The following DIP2C variants were observed in gnomAD, a reference collection of about 807,000 sequenced individuals.
The protein encoded by DIP2C is DIP2 acetate--CoA ligase C (putative), also known as disco-interacting protein 2 homolog C.
In DIP2C, 33 loss-of-function variants were observed where a neutral mutation model predicts 192.4. The ratio of observed to expected loss-of-function variants is 0.17; its 90% CI spans 0.13 to 0.23. The LOEUF is 0.23. DIP2C is among the 10% of genes least tolerant of loss of function. The probability of loss-of-function intolerance (pLI) is 1.00; values close to 1 mark genes in which losing one functional copy is unlikely to be tolerated. For missense variants in DIP2C, 1,537 were observed against 2,110.1 expected (o/e 0.73, Z 5.32); for synonymous variants, 979 against 864.1 (o/e 1.13, Z -2.33).
chr10:401,036 T>C (rs1265961329), intron 9 of DIP2C, among the ~76,000 whole-genome samples: 1 of 127,228 alleles, frequency 7.9e-6, no homozygotes, highest in African/African-American at 3.1e-5. Context: ...TGTGGTAGCA[T>C]TAGCATTACT....
At chr10:506,071 G>A (rs1050320116) in intron 1 of DIP2C, among the ~76,000 whole-genome samples, 1 of 152,212 alleles carries the variant, frequency 6.6e-6, no homozygotes, top group African/African-American at 2.4e-5. Flanking sequence ...GTGCTGGTAT[G>A]TGCTGCTAGG....
intron 1 of DIP2C, among the ~76,000 whole-genome samples, chr10:525,113 TAA>T (rs1369348376): frequency 1.3e-5 from 2 of 152,202 alleles, no homozygotes; most frequent in African/African-American, 2.4e-5. Context: ...CAACCAAATC[TAA>T]AATACAGAAA....
intron 1 of DIP2C, among the ~76,000 whole-genome samples, chr10:620,480 G>A (rs547402162): frequency 1.8e-4 from 28 of 152,278 alleles, no homozygotes; most frequent in Admixed American, 7.2e-4. Context: ...CAGATACGGA[G>A]GGAGAAGCCC....
chr10:591,061 A>G (rs1210809957), intron 1 of DIP2C, among the ~76,000 whole-genome samples: 1 of 152,012 alleles, frequency 6.6e-6, no homozygotes, highest in African/African-American at 2.4e-5. Flanking sequence ...TCCTGTCACT[A>G]AAAAATGAAA....
intron 1 of DIP2C, among the ~76,000 whole-genome samples, chr10:526,662 C>T (rs926199772): frequency 6.6e-6 from 1 of 152,180 alleles, no homozygotes; most frequent in African/African-American, 2.4e-5. Flanking sequence ...CACATATGTT[C>T]TGGGTCTCCT....
chr10:387,596 T>C (rs1025974312), intron 14 of DIP2C, 149 bp downstream of exon 14: 2 of 253,080 alleles, frequency 7.9e-6, no homozygotes, highest in Admixed American at 4.4e-5. Flanking sequence ...ACAGGCAGGG[T>C]GGGAGGGAGA....
At chr10:397,999 C>T (rs1446883318) in intron 10 of DIP2C, among the ~76,000 whole-genome samples, 2 of 152,202 alleles carry the variant, frequency 1.3e-5, no homozygotes, top group Non-Finnish European at 2.9e-5. Flanking sequence ...AAAGCTGACT[C>T]TCTGGAGCAA....
chr10:504,661 C>T (rs561625373), intron 1 of DIP2C, among the ~76,000 whole-genome samples: 26 of 152,362 alleles, frequency 1.7e-4, no homozygotes, highest in South Asian at 6.2e-4. Flanking sequence ...CAAGATGAGA[C>T]GCTTCCCGTG....
intron 17 of DIP2C, among the ~76,000 whole-genome samples, chr10:375,406 A>G (rs139614450): frequency 0.011 from 1,610 of 152,314 alleles, 20 homozygotes; most frequent in African/African-American, 0.028. Context: ...CTTACAGCCT[A>G]CAGAACTGTG....
intron 3 of DIP2C, among the ~76,000 whole-genome samples, chr10:467,548 TAAAAA>T (rs1970316270): frequency 1.3e-5 from 1 of 74,304 alleles, no homozygotes; most frequent in South Asian, 4.5e-4. Flanking sequence ...ATAAATAAAA[TAAAAA>T]TTATTTAAGT....
intron 23 of DIP2C, among the ~76,000 whole-genome samples, 178 bp downstream of exon 23, chr10:357,650 A>ATCGGAGACTGTCGGGAAAG (rs1959146719): frequency 1.3e-5 from 2 of 152,220 alleles, no homozygotes; most frequent in Non-Finnish European, 2.9e-5. Flanking sequence ...AGCGCGCGAC[A>ATCGGAGACTGTCGGGAAAG]TCGGAGACTG....
At position 689,564 on chromosome 10, in the gene DIP2C, G is replaced by A. The variant is rs1260407667; in HGVS notation, c.15C>T (p.Ser5=). The A allele has an allele frequency of 8.1e-7, 1 of 1,241,328 alleles. No individual in the cohort carries two copies. Among genetic ancestry groups the A allele is most frequent in the East Asian group, 4.5e-5 (1 of 22,200 alleles). The allele number at this position is 1,241,328 out of a possible 1,614,324, so 76.9% of individuals were successfully genotyped here. A position where few individuals can be genotyped will look rare whatever the true frequency, so the allele number is the denominator to read the frequency against. MADR[S]LEGMALPLEV... ...CCAGGGGCAGCGCCATGCCCTCCAG[G>A]CTGCGGTCCGCCATGCTCCGCGGGC... The change falls in exon 1 of 37, where the codon AGC becomes AGT. Residue 5 remains serine, a synonymous_variant. Transcript: ENST00000280886. This position sits in a 1 kb window ranked among gnomAD's most constrained non-coding sequence, Gnocchi z 6.1.
At chr10:345,608 C>T (rs1404401245) in intron 26 of DIP2C, among the ~76,000 whole-genome samples, 5 of 140,940 alleles carry the variant, frequency 3.5e-5, no homozygotes, top group African/African-American at 1.4e-4. Flanking sequence ...GGAAACCCCA[C>T]ACTCACCCAA....
In DIP2C at chr10:548,911, CAAAAAAAAAAAAAA is replaced by C. The variant is rs61437915; in HGVS notation, c.86-62395_86-62382del. 5.7e-3 allele frequency among the ~76,000 whole-genome samples: 152 copies of C among 26,462 alleles called. 3 individuals carry two copies. Among genetic ancestry groups the C allele is most frequent in the African/African-American group, 0.019 (141 of 7,428 alleles). The allele number at this position is 26,462 out of a possible 152,430, so 17.4% of individuals were successfully genotyped here. On this transcript the variant is annotated intron_variant, in intron 1 of 36. Transcript: ENST00000280886. ...CATTGCAGGAAAAAATAGCAGCTCA[CAAAAAAAAAAAAAA>C]AAAAAAAAAAAAAGTGAGTAAAGAA...
intron 11 of DIP2C, 122 bp from the exon 12 acceptor site, chr10:390,495 G>T: frequency 9.1e-7 from 1 of 1,093,376 alleles, no homozygotes; most frequent in Non-Finnish European, 1.3e-6. Flanking sequence ...GGTGTCTCCG[G>T]ACTTCACGAG....
chr10:379,331 G>A (rs12248939), intron 17 of DIP2C, among the ~76,000 whole-genome samples: 27,310 of 151,554 alleles, frequency 0.18, 2,527 homozygotes, highest in East Asian at 0.25. Flanking sequence ...TTTATCAAGC[G>A]GGATACTGGA....
chr10:453,596 G>C (rs1027245277), intron 3 of DIP2C, among the ~76,000 whole-genome samples: 2 of 152,256 alleles, frequency 1.3e-5, no homozygotes, highest in Non-Finnish European at 2.9e-5. Flanking sequence ...AGGCTAGGAA[G>C]TGACGGCTTA....
chr10:617,759 T>G (rs957926416), intron 1 of DIP2C, among the ~76,000 whole-genome samples: 1 of 148,026 alleles, frequency 6.8e-6, no homozygotes, highest in Non-Finnish European at 1.5e-5. Flanking sequence ...TTGCACGTAA[T>G]GACCTGCCAC....
intron 22 of DIP2C, among the ~76,000 whole-genome samples, chr10:359,530 T>C (rs1959211101): frequency 6.6e-6 from 1 of 152,214 alleles, no homozygotes; most frequent in Non-Finnish European, 1.5e-5. Flanking sequence ...CACGTCGTAG[T>C]TGTGAACAGA....
Sources: allele counts gnomAD v4.1 joint callset (sites outside exome capture counted in the v4.1 genomes callset), GRCh38; gene constraint gnomAD v4.1.1; non-coding constraint Gnocchi (gnomAD v3.1); transcripts MANE v1.5; gene names NCBI Gene and HGNC (gene_info 2026-07-23, HGNC 2026-07-21).